Variants in LARGE1 observed in about 807,000 individuals in gnomAD.
LARGE1 encodes LARGE xylosyl- and glucuronyltransferase 1.
In LARGE1, 43 loss-of-function variants were observed where a neutral mutation model predicts 87.6. The observed-to-expected ratio is 0.49, with a 90% CI of 0.38 to 0.63. The LOEUF (loss-of-function observed/expected upper bound fraction) is 0.63. Among genes scored for constraint, LARGE1 ranks in the 30% least tolerant of loss-of-function variants. The pLI, the probability that LARGE1 is intolerant of heterozygous loss-of-function variation, is 0.00. For synonymous variants in LARGE1, 434 were observed against 394.6 expected, an observed-to-expected ratio of 1.10 and a Z score of -1.18; for missense variants, 802 against 1,000.2, an observed-to-expected ratio of 0.80 and a Z score of 2.67.
At chr22:33,126,484 G>A in the LARGE1 span, among the ~76,000 whole-genome samples, 2 of 152,096 alleles carry the variant, frequency 1.3e-5, no homozygotes, top group African/African-American at 4.8e-5. Context: ...TTTGCTTTGT[G>A]TATGTAAATC....
At chr22:33,722,209 C>A (rs1422320307) in intron 2 of LARGE1, among the ~76,000 whole-genome samples, 1 of 148,840 alleles carries the variant, frequency 6.7e-6, no homozygotes, top group Non-Finnish European at 1.5e-5. Flanking sequence ...GCCGAGATCA[C>A]GCCACTGCCC....
chr22:33,101,780 T>C, the LARGE1 span, among the ~76,000 whole-genome samples: 2 of 151,924 alleles, frequency 1.3e-5, no homozygotes, highest in Non-Finnish European at 2.9e-5. Context: ...ACATGTGCAA[T>C]AGGAAGATAT....
chr22:33,808,174 A>G (rs1308052446), intron 1 of LARGE1, among the ~76,000 whole-genome samples: 1 of 152,250 alleles, frequency 6.6e-6, no homozygotes, highest in Non-Finnish European at 1.5e-5. Context: ...TGGTGGTGCC[A>G]GTGTTCCAGG....
At chr22:33,561,672 G>A (rs1602443478) in intron 6 of LARGE1, among the ~76,000 whole-genome samples, 1 of 152,188 alleles carries the variant, frequency 6.6e-6, no homozygotes, top group African/African-American at 2.4e-5. Flanking sequence ...CCTGACCCTG[G>A]CCAATAATGG....
At chr22:33,872,599 C>A (rs1217271420) in intron 1 of LARGE1, among the ~76,000 whole-genome samples, 1 of 152,046 alleles carries the variant, frequency 6.6e-6, no homozygotes, top group East Asian at 1.9e-4. Context: ...TGAAGCAAGT[C>A]CCATGGAATT....
intron 3 of LARGE1, among the ~76,000 whole-genome samples, chr22:33,645,987 T>C (rs983734138): frequency 2.6e-5 from 4 of 152,178 alleles, no homozygotes; most frequent in Non-Finnish European, 1.5e-5. Flanking sequence ...TTTTACACTG[T>C]TGGTGGGGAT....
intron 11 of LARGE1, among the ~76,000 whole-genome samples, chr22:33,174,118 GA>G (rs1433015657): frequency 6.6e-6 from 1 of 152,126 alleles, no homozygotes; most frequent in African/African-American, 2.4e-5. Context: ...AAATGCAGAA[GA>G]ACGGAAATCA....
rs1323439601 is a variant in LARGE1 at position 33,274,361 on chromosome 22, G to A, written c.*66C>T. 35 of 1,516,590 alleles carry A rather than the reference G, an allele frequency of 2.3e-5. No homozygotes were observed. Among genetic ancestry groups the A allele is most frequent in the Admixed American group, 5.0e-5 (3 of 59,874 alleles). The allele number at this position is 1,516,590 out of a possible 1,614,324, so 93.9% of individuals were successfully genotyped here. The stretch of plus-strand genomic sequence containing the variant: ...TGGCTCAATTTTGAATTTGAAGGCC[G>A]GGCCCCAAACAGCGAGTGGCACTTC... On this transcript the variant is annotated 3_prime_UTR_variant, in exon 15 of 15. Transcript: ENST00000397394.
intron 6 of LARGE1, among the ~76,000 whole-genome samples, chr22:33,439,652 C>A (rs2067398584): frequency 6.6e-6 from 1 of 152,150 alleles, no homozygotes; most frequent in Non-Finnish European, 1.5e-5. Flanking sequence ...GGAAGATGAT[C>A]ACCAATCTCC....
chr22:33,600,025 G>A (rs2079074247), intron 5 of LARGE1, among the ~76,000 whole-genome samples: 2 of 152,168 alleles, frequency 1.3e-5, no homozygotes, highest in African/African-American at 4.8e-5. Flanking sequence ...ACTTCAGGGT[G>A]GCTGGTGGGC....
intron 1 of LARGE1, among the ~76,000 whole-genome samples, chr22:33,887,230 G>A (rs1209753023): frequency 1.3e-5 from 2 of 152,164 alleles, no homozygotes; most frequent in Non-Finnish European, 2.9e-5. Flanking sequence ...TGGGGCCTTT[G>A]GGAGCTGTTC....
At chr22:33,745,376 G>A (rs1339052236) in intron 2 of LARGE1, among the ~76,000 whole-genome samples, 1 of 152,120 alleles carries the variant, frequency 6.6e-6, no homozygotes, top group East Asian at 1.9e-4. Context: ...ACTCACCTCT[G>A]AGTGTTTATC....
chr22:33,921,715 A>T (rs974169621), upstream of LARGE1, among the ~76,000 whole-genome samples: 1 of 151,850 alleles, frequency 6.6e-6, no homozygotes, highest in Admixed American at 6.6e-5. The surrounding 1 kb of genome is among the most constrained non-coding windows in gnomAD (Gnocchi z 4.1). Context: ...TGCTGATTTT[A>T]TTCTCGCTCT....
At chr22:33,826,872 T>C (rs912079358) in intron 1 of LARGE1, among the ~76,000 whole-genome samples, 4 of 152,050 alleles carry the variant, frequency 2.6e-5, no homozygotes, top group African/African-American at 9.7e-5. Flanking sequence ...TTTAACCCTT[T>C]AAAACAGATA....
chr22:33,599,140 T>G (rs1223128539), intron 5 of LARGE1, among the ~76,000 whole-genome samples: 1 of 152,208 alleles, frequency 6.6e-6, no homozygotes, highest in South Asian at 2.1e-4. Context: ...TACATCCATG[T>G]CTACTGAATT....
chr22:33,539,829 C>T (rs1471663794), intron 6 of LARGE1, among the ~76,000 whole-genome samples: 1 of 152,096 alleles, frequency 6.6e-6, no homozygotes, highest in Non-Finnish European at 1.5e-5. Flanking sequence ...ATCCACCTGC[C>T]TTGCCCTCCC....
intron 1 of LARGE1, among the ~76,000 whole-genome samples, chr22:33,811,508 T>C (rs1322979121): frequency 6.6e-6 from 1 of 152,138 alleles, no homozygotes; most frequent in Non-Finnish European, 1.5e-5. Flanking sequence ...GAAGGATTAC[T>C]AGGAGTCTGA....
intron 1 of LARGE1, among the ~76,000 whole-genome samples, chr22:33,846,876 A>C (rs975625830): frequency 1.3e-5 from 2 of 152,176 alleles, no homozygotes; most frequent in African/African-American, 2.4e-5. Context: ...TATCAATGAC[A>C]ATGGTGCCCG....
At chr22:33,266,053 A>C (rs1454181926) in intron 11 of LARGE1, among the ~76,000 whole-genome samples, 2 of 152,058 alleles carry the variant, frequency 1.3e-5, no homozygotes, top group Non-Finnish European at 2.9e-5. Context: ...AGATTCCTTA[A>C]TCTTGTGTTT....
Sources: allele counts gnomAD v4.1 joint callset (sites outside exome capture counted in the v4.1 genomes callset), GRCh38; gene constraint gnomAD v4.1.1; non-coding constraint Gnocchi (gnomAD v3.1); transcripts MANE v1.5; gene names NCBI Gene and HGNC (gene_info 2026-07-23, HGNC 2026-07-21).